Variants in SSUH2 observed in about 807,000 individuals in gnomAD.
SSUH2 encodes the protein protein SSUH2 homolog.
A neutral mutation model predicts 55.3 loss-of-function variants in SSUH2; 47 were observed. The ratio of observed to expected loss-of-function variants is 0.85; its 90% CI spans 0.67 to 1.08. The LOEUF is 1.08. Ranked by LOEUF, SSUH2 falls within the 50% of genes least tolerant of loss-of-function variation. SSUH2 has a pLI of 0.00. For synonymous variants in SSUH2, 212 were observed against 191.5 expected (o/e 1.11, Z -0.89); for missense variants, 535 against 490.7 (o/e 1.09, Z -0.85).
At chr3:8,624,066 A>AT (rs1362223169) in intron 10 of SSUH2, among the ~76,000 whole-genome samples, 1 of 152,196 alleles carries the variant, frequency 6.6e-6, no homozygotes. Flanking sequence ...AGGATACAAA[A>AT]TGAACCACAA....
chr3:8,623,638 A>C lies in SSUH2; in HGVS notation c.892T>G (p.Phe298Val). The C allele has an allele frequency of 1.3e-6, 2 of 1,535,148 alleles. No individual in the cohort carries two copies. Among genetic ancestry groups the C allele is most frequent in the Non-Finnish European group, 1.8e-6 (2 of 1,134,108 alleles). ...GCAAGAGAGATGTCTCGCAGAGGGA[A>C]GTCCACGATGGGGTACACCTGGGGG... ...ENSVVYPIVD[F>V]PLRDISLASQ... Residue 298 changes from phenylalanine (F) to valine (V), a missense_variant, in exon 11 of 12, where the codon TTC becomes GTC. By Grantham distance (50) the Phe-to-Val change is conservative (BLOSUM62 -1). Coordinates refer to ENST00000544814, the MANE Select transcript of SSUH2 (RefSeq NM_001256748.3).
intron 7 of SSUH2, 22 bp from the exon 8 acceptor site, chr3:8,627,805 A>G: frequency 6.3e-7 from 1 of 1,595,412 alleles, no homozygotes; most frequent in Non-Finnish European, 8.5e-7. Context: ...CCACTGCCTC[A>G]GCCCCCGCTG....
intron 2 of SSUH2, among the ~76,000 whole-genome samples, chr3:8,678,164 C>T (rs1483283840): frequency 3.9e-5 from 6 of 152,040 alleles, no homozygotes; most frequent in Admixed American, 3.9e-4. Flanking sequence ...GGGGTTTCCA[C>T]TTTCTGCCAT....
chr3:8,633,553 G>GC, intron 4 of SSUH2, 113 bp downstream of exon 4: 1 of 802,262 alleles, frequency 1.2e-6, no homozygotes, highest in Non-Finnish European at 1.9e-6. Flanking sequence ...CAAACACACT[G>GC]CCCCCAGGAC....
At chr3:8,622,149 T>A (rs1225661670) in intron 11 of SSUH2, among the ~76,000 whole-genome samples, 2 of 152,232 alleles carry the variant, frequency 1.3e-5, no homozygotes, top group South Asian at 2.1e-4. Flanking sequence ...TCCTCATGGC[T>A]GGATTTCGGC....
At chr3:8,677,730 G>A (rs1161572875) in intron 2 of SSUH2, among the ~76,000 whole-genome samples, 1 of 150,694 alleles carries the variant, frequency 6.6e-6, no homozygotes, top group Non-Finnish European at 1.5e-5. Context: ...GGCAGCAACT[G>A]CCCTGCTAGT....
chr3:8,623,690 G>A, intron 10 of SSUH2, 34 bp from the exon 11 acceptor site: 1 of 1,183,670 alleles, frequency 8.4e-7, no homozygotes, highest in Non-Finnish European at 1.2e-6. Context: ...AGACCACCTG[G>A]CTGCCGCACC....
rs141262232 is a variant in SSUH2 at position 8,661,262 on chromosome 3, G to T, written c.-395-2249C>A. 9.2e-4 allele frequency among the ~76,000 whole-genome samples: 140 copies of T among 152,302 alleles called. 1 individual carries two copies. The highest frequency in any genetic ancestry group is 3.0e-3 in the African/African-American group (124 of 41,562). On this transcript the variant is annotated intron_variant, in intron 6 of 18. Coordinates refer to the SSUH2 transcript ENST00000317371. The stretch of plus-strand genomic sequence containing the variant: ...CCTCTGCCTAGAACTCCGTTGCCCA[G>T]CTTCCTAATCCACCAAAATCTCATT...
intron 3 of SSUH2, among the ~76,000 whole-genome samples, chr3:8,675,099 G>C (rs1241144662): frequency 2.0e-5 from 3 of 152,140 alleles, no homozygotes; most frequent in African/African-American, 7.2e-5. Flanking sequence ...ATTTGTGCTT[G>C]CTTAATCAAG....
rs910009565 is a variant in SSUH2 at position 8,629,701 on chromosome 3, C to T, written c.551G>A (p.Gly184Glu). 9.0e-6 allele frequency: 14 copies of T among 1,562,184 alleles called. No homozygotes were observed. Among genetic ancestry groups the T allele is most frequent in the Admixed American group, 3.4e-5 (2 of 58,228 alleles). Residue 184 changes from glycine to glutamate, a missense_variant, in exon 7 of 12, where the codon GGG becomes GAG. Coordinates refer to ENST00000544814, the MANE Select transcript of SSUH2 (RefSeq NM_001256748.3). ...GTGGCAGCCGCTGCACTTGTACCGC[C>T]CACGCCCATGGCATTTGTGGCATTC... ...VKECHKCHGR[G>E]RYKCSGCHGA...
chr3:8,648,617 C>T (rs138389608), upstream of SSUH2, among the ~76,000 whole-genome samples: 2,479 of 152,228 alleles, frequency 0.016, 46 homozygotes, highest in Admixed American at 0.047. Context: ...CACCAAAGCA[C>T]TACTCCCTTC....
chr3:8,656,499 A>T (rs1383490850), intron 7 of SSUH2, among the ~76,000 whole-genome samples: 1 of 152,122 alleles, frequency 6.6e-6, no homozygotes, highest in Non-Finnish European at 1.5e-5. Flanking sequence ...GCAGTCACTG[A>T]CTGTGACCCA....
rs1415719058 is a variant in SSUH2, at chr3:8,625,525, C to T, written c.873+17G>A. 2.6e-6 allele frequency: 4 copies of T among 1,553,728 alleles called. No homozygotes were observed. The African/African-American group carries it at 5.4e-5, about 21-fold the overall frequency. ...GGAACCCAGCTTCCTTTGTTCCCAT[C>T]TACAATGCCCTCTTACCACCGAGTT... On this transcript the variant is annotated intron_variant, in intron 10 of 11. Transcript: ENST00000544814.
Position 8,635,716 on chromosome 3 carries a change from C to A in SSUH2, c.127+43G>T, listed in dbSNP as rs973996598. 12 of 1,498,900 alleles carry A rather than the reference C, an allele frequency of 8.0e-6. No homozygotes were observed. The African/African-American group carries it at 1.5e-4, about 19-fold the overall frequency. 92.9% of individuals were successfully genotyped at this position (1,498,900 alleles called of 1,614,324 possible). On this transcript the variant is annotated intron_variant, in intron 2 of 11. Coordinates refer to ENST00000544814, the MANE Select transcript of SSUH2 (RefSeq NM_001256748.3). Reference sequence around the variant, plus strand: ...GAGACATCCCACCAACCAGCGTGAGCCCTAGGTAGAAGCCCAAAGAACCAA... The same window carrying A: ...GAGACATCCCACCAACCAGCGTGAGACCTAGGTAGAAGCCCAAAGAACCAA...
At chr3:8,627,908 T>C in intron 7 of SSUH2, 125 bp from the exon 8 acceptor site, 9 of 657,000 alleles carry the variant, frequency 1.4e-5, no homozygotes, top group South Asian at 2.5e-5. Context: ...CCCCTTCATC[T>C]GTAAAATGGT....
chr3:8,637,308 G>C (rs377152529), intron 1 of SSUH2, among the ~76,000 whole-genome samples: 18 of 152,274 alleles, frequency 1.2e-4, no homozygotes, highest in African/African-American at 3.9e-4. Context: ...CATTCACTAC[G>C]TATCTGTTTT....
In SSUH2 at chr3:8,635,812, G is replaced by T. The variant is rs779910682; in HGVS notation, c.74C>A (p.Pro25His). Reference sequence around the variant, plus strand: ...GGGCAGTCTCTCCAGGAGCTCTGTGGGGGGCGCCAGAGGACTCTCGGCCTC... The same window carrying T: ...GGGCAGTCTCTCCAGGAGCTCTGTGTGGGGCGCCAGAGGACTCTCGGCCTC... ...SFEAESPLAPPTELLERLPSY... is the reference protein window; with the variant it reads ...SFEAESPLAPHTELLERLPSY... Residue 25 changes from proline (P) to histidine (H), a missense_variant, in exon 2 of 12, where the codon CCC becomes CAC. Transcript: ENST00000544814. The T allele has an allele frequency of 6.5e-7, 1 of 1,536,028 alleles. No homozygotes were observed. Among genetic ancestry groups the T allele is most frequent in the South Asian group, 1.2e-5 (1 of 84,012 alleles).
chr3:8,665,279 G>A (rs559538586), intron 5 of SSUH2, among the ~76,000 whole-genome samples: 7 of 152,254 alleles, frequency 4.6e-5, no homozygotes, highest in African/African-American at 1.7e-4. Context: ...AGGGTAGAAG[G>A]GGAAGAGAGA....
chr3:8,648,315 T>C (rs1701971929), upstream of SSUH2, among the ~76,000 whole-genome samples: 1 of 152,098 alleles, frequency 6.6e-6, no homozygotes, highest in South Asian at 2.1e-4. Context: ...CTGTGTGTTG[T>C]TATGTGTCGT....
Sources: allele counts gnomAD v4.1 joint callset (sites outside exome capture counted in the v4.1 genomes callset), GRCh38; gene constraint gnomAD v4.1.1; transcripts MANE v1.5; gene names NCBI Gene and HGNC (gene_info 2026-07-23, HGNC 2026-07-21).